CACNA2D3: variants seen among roughly 807,000 people sequenced by gnomAD.
CACNA2D3 encodes the protein calcium voltage-gated channel auxiliary subunit alpha2delta 3, also known as voltage-dependent calcium channel subunit alpha-2/delta-3.
A neutral mutation model predicts 160.6 loss-of-function variants in CACNA2D3; 60 were observed. That is an observed-to-expected ratio of 0.37 (90% CI 0.30 to 0.46). The LOEUF is 0.46. Ranked by LOEUF, CACNA2D3 falls within the 20% of genes least tolerant of loss-of-function variation. CACNA2D3 has a pLI of 1.00. For missense variants in CACNA2D3, 1,205 were observed against 1,365.0 expected (o/e 0.88, Z 1.85); for synonymous variants, 558 against 492.9 (o/e 1.13, Z -1.75).
chr3:54,991,790 C>T (rs1455304020), intron 31 of CACNA2D3, among the ~76,000 whole-genome samples: 1 of 152,042 alleles, frequency 6.6e-6, no homozygotes, highest in Non-Finnish European at 1.5e-5. Flanking sequence ...TTCTTCATTA[C>T]CAAAATAGGG....
intron 13 of CACNA2D3, among the ~76,000 whole-genome samples, chr3:54,785,309 G>A (rs1193215648): frequency 1.3e-5 from 2 of 152,104 alleles, no homozygotes. Flanking sequence ...CTGCTCCTCA[G>A]CTTCTCCAAT....
At chr3:54,635,745 G>A (rs1170945463) in intron 10 of CACNA2D3, among the ~76,000 whole-genome samples, 2 of 151,778 alleles carry the variant, frequency 1.3e-5, no homozygotes, top group African/African-American at 2.4e-5. Context: ...AGGACTGTAA[G>A]GGATATAAAG....
At chr3:54,408,564 C>G (rs1347720854) in intron 4 of CACNA2D3, among the ~76,000 whole-genome samples, 1 of 152,094 alleles carries the variant, frequency 6.6e-6, no homozygotes, top group Non-Finnish European at 1.5e-5. Flanking sequence ...AGATGTTAAC[C>G]AGTTCCTCTT....
intron 4 of CACNA2D3, among the ~76,000 whole-genome samples, chr3:54,394,318 A>G (rs1341441509): frequency 7.2e-6 from 1 of 139,294 alleles, no homozygotes; most frequent in South Asian, 2.3e-4. Context: ...GAGAGTGAAC[A>G]TTTTTTTTTT....
intron 2 of CACNA2D3, among the ~76,000 whole-genome samples, chr3:54,236,300 T>C (rs1344609132): frequency 6.6e-6 from 1 of 152,204 alleles, no homozygotes; most frequent in Non-Finnish European, 1.5e-5. Context: ...GAATAAAGCA[T>C]GAACTTCAAT....
intron 17 of CACNA2D3, among the ~76,000 whole-genome samples, chr3:54,871,043 TACACACACACACACACACACACACAC>T (rs58370850): frequency 8.3e-4 from 119 of 142,844 alleles, no homozygotes; most frequent in Admixed American, 4.5e-3. Flanking sequence ...AGCTTTGGGA[TACACACACACACACACACACACACAC>T]ACACACACAC....
At chr3:54,619,481 A>T (rs1698934026) in intron 9 of CACNA2D3, among the ~76,000 whole-genome samples, 1 of 152,230 alleles carries the variant, frequency 6.6e-6, no homozygotes, top group South Asian at 2.1e-4. Flanking sequence ...CATTGTTCAC[A>T]TCCAGGAGAT....
At chr3:55,059,786 TG>T (rs1276140249) in intron 35 of CACNA2D3, among the ~76,000 whole-genome samples, 3 of 151,894 alleles carry the variant, frequency 2.0e-5, no homozygotes, top group Non-Finnish European at 2.9e-5. Flanking sequence ...TGGGATGGAT[TG>T]GGGGGTGGAA....
chr3:54,123,716 C>T (rs374718748), intron 2 of CACNA2D3, 122 bp downstream of exon 2: 6 of 817,576 alleles, frequency 7.3e-6, no homozygotes, highest in East Asian at 4.9e-5. Context: ...TCTCTGATCC[C>T]CGGGTTTCTT....
intron 9 of CACNA2D3, among the ~76,000 whole-genome samples, chr3:54,585,690 T>C (rs2106746332): frequency 6.6e-6 from 1 of 152,282 alleles, no homozygotes; most frequent in South Asian, 2.1e-4. Context: ...CTGCCCTTTA[T>C]AAAATCATCA....
At chr3:54,338,423 A>G (rs1242711272) in intron 3 of CACNA2D3, among the ~76,000 whole-genome samples, 1 of 148,292 alleles carries the variant, frequency 6.7e-6, no homozygotes. Flanking sequence ...AACAGCTTTC[A>G]GCTGTGTTTT....
intron 3 of CACNA2D3, among the ~76,000 whole-genome samples, chr3:54,335,619 G>C (rs1704356728): frequency 6.6e-6 from 1 of 152,030 alleles, no homozygotes; most frequent in Non-Finnish European, 1.5e-5. Context: ...ATCTTGTGCC[G>C]ACCTCCTGTC....
At chr3:54,263,863 C>T (rs539428229) in intron 2 of CACNA2D3, among the ~76,000 whole-genome samples, 17 of 152,270 alleles carry the variant, frequency 1.1e-4, no homozygotes, top group African/African-American at 3.6e-4. Flanking sequence ...GGAATCTCAT[C>T]CCCTCTGGCT....
chr3:54,909,720 C>T (rs1700518603), intron 27 of CACNA2D3, among the ~76,000 whole-genome samples: 1 of 149,386 alleles, frequency 6.7e-6, no homozygotes, highest in African/African-American at 2.5e-5. Flanking sequence ...AGGTGGAGAA[C>T]CCTGGGGCCC....
chr3:54,365,621 T>TG (rs1409087671), intron 3 of CACNA2D3, among the ~76,000 whole-genome samples: 1 of 152,182 alleles, frequency 6.6e-6, no homozygotes, highest in African/African-American at 2.4e-5. Flanking sequence ...CCCAGCACTT[T>TG]GGGAGGCCAA....
At chr3:54,567,298 T>C (rs944819966) in intron 6 of CACNA2D3, among the ~76,000 whole-genome samples, 1 of 152,214 alleles carries the variant, frequency 6.6e-6, no homozygotes, top group Non-Finnish European at 1.5e-5. Context: ...TCTAAAGTTA[T>C]CTGGAAGGTA....
intron 2 of CACNA2D3, among the ~76,000 whole-genome samples, chr3:54,247,593 A>G (rs956088926): frequency 6.6e-6 from 1 of 152,216 alleles, no homozygotes; most frequent in Non-Finnish European, 1.5e-5. Flanking sequence ...AAAAATAGGA[A>G]CATTGTAAAT....
chr3:54,439,085 G>A (rs1204457376), intron 4 of CACNA2D3, among the ~76,000 whole-genome samples: 1 of 152,158 alleles, frequency 6.6e-6, no homozygotes, highest in Non-Finnish European at 1.5e-5. Context: ...CTCAAGAGCA[G>A]CAGCTGTAAA....
chr3:54,333,555 A>C (rs922133031), intron 3 of CACNA2D3, among the ~76,000 whole-genome samples: 3 of 151,838 alleles, frequency 2.0e-5, no homozygotes, highest in African/African-American at 7.3e-5. Flanking sequence ...CCTCTCTTCC[A>C]GCCAAATGCG....
Sources: allele counts gnomAD v4.1 joint callset (sites outside exome capture counted in the v4.1 genomes callset), GRCh38; gene constraint gnomAD v4.1.1; transcripts MANE v1.5; gene names NCBI Gene and HGNC (gene_info 2026-07-23, HGNC 2026-07-21).